SMURF1: variants seen among roughly 807,000 people sequenced by gnomAD.
SMURF1 encodes SMAD specific E3 ubiquitin protein ligase 1.
A neutral mutation model predicts 98.0 loss-of-function variants in SMURF1; 44 were observed. That is an observed-to-expected ratio of 0.45 (90% CI 0.35 to 0.58). The LOEUF (loss-of-function observed/expected upper bound fraction) is 0.58, where lower values mean the gene tolerates loss of function less well. SMURF1 is among the 20% of genes least tolerant of loss of function. The pLI, the probability that SMURF1 is intolerant of heterozygous loss-of-function variation, is 0.00. For synonymous variants in SMURF1, 396 were observed against 374.9 expected (o/e 1.06, Z -0.65); for missense variants, 687 against 938.4 (o/e 0.73, Z 3.50).
chr7:99,077,002 A>G (rs1361418206), intron 1 of SMURF1, among the ~76,000 whole-genome samples: 2 of 151,864 alleles, frequency 1.3e-5, no homozygotes, highest in Non-Finnish European at 2.9e-5. Flanking sequence ...ATAAAAAAAA[A>G]AACAAAAAAG....
At chr7:99,099,834 A>G (rs1261847182) in intron 1 of SMURF1, among the ~76,000 whole-genome samples, 2 of 152,178 alleles carry the variant, frequency 1.3e-5, no homozygotes, top group Non-Finnish European at 2.9e-5. Context: ...ACATGAGTTA[A>G]AACAGTCTAA....
chr7:99,038,522 C>G lies in SMURF1; in HGVS notation c.1554G>C (p.Glu518Asp). 1 of 1,613,848 alleles carries G rather than the reference C, an allele frequency of 6.2e-7. No homozygotes were observed. The highest frequency in any genetic ancestry group is 8.5e-7 in the Non-Finnish European group (1 of 1,179,870). ...ELHKSLVWIL[E>D]NDITPVLDHT... ...GGTCCAGTACAGGCGTGATGTCGTT[C>G]TCTCTGTTGAAATAAGACAGAAGGA... Residue 518 changes from glutamate to aspartate, a missense_variant, in exon 14 of 18, where the codon GAG becomes GAC. By Grantham distance (45) the Glu-to-Asp change is conservative (BLOSUM62 2). Coordinates refer to ENST00000361368, the MANE Select transcript of SMURF1 (RefSeq NM_181349.3).
chr7:99,030,595 C>T lies in SMURF1; in HGVS notation c.2185G>A (p.Ala729Thr). 6.2e-7 allele frequency: 1 copy of T among 1,614,138 alleles called. No homozygotes were observed. The highest frequency in any genetic ancestry group is 8.5e-7 in the Non-Finnish European group (1 of 1,180,006). Residue 729 changes from alanine to threonine, a missense_variant, in exon 18 of 18, where the codon GCT becomes ACT. Around this residue, in one of 2 missense-constraint regions of SMURF1, gnomAD observed 272 missense variants for 430.0 expected, o/e 0.63. Coordinates refer to ENST00000361368, the MANE Select transcript of SMURF1 (RefSeq NM_181349.3). Reference sequence around the variant, plus strand: ...CCTTTGGTTGCTTTTCACTCCACAGCAAACCCGCAGGTCTCCTCCACGGCT... The same window carrying T: ...CCTTTGGTTGCTTTTCACTCCACAGTAAACCCGCAGGTCTCCTCCACGGCT... ...LTAVEETCGFAVE is the reference protein window; with the variant it reads ...LTAVEETCGFTVE
chr7:99,037,617 A>G (rs949677412), intron 14 of SMURF1, among the ~76,000 whole-genome samples: 1 of 152,234 alleles, frequency 6.6e-6, no homozygotes, highest in Admixed American at 6.5e-5. Flanking sequence ...TCTCCAAGAC[A>G]GACAAACACA....
At chr7:99,055,355 C>G (rs561488554) in intron 5 of SMURF1, among the ~76,000 whole-genome samples, 20 of 151,852 alleles carry the variant, frequency 1.3e-4, no homozygotes, top group Non-Finnish European at 2.4e-4. Context: ...GTAGTCCCAG[C>G]TACTTGGGAG....
At chr7:99,060,552 C>T (rs756196195) in intron 3 of SMURF1, 47 bp downstream of exon 3, 1 of 1,392,854 alleles carries the variant, frequency 7.2e-7, no homozygotes, top group Admixed American at 1.8e-5. Flanking sequence ...AGGTAGACAC[C>T]TGCTTTCCTG....
intron 13 of SMURF1, 75 bp downstream of exon 13, chr7:99,040,287 ACACACACGCGCGCGCG>A (rs1302593425): frequency 1.2e-5 from 15 of 1,255,784 alleles, no homozygotes; most frequent in African/African-American, 4.0e-5. Flanking sequence ...CCCAAAATAC[ACACACACGCGCGCGCG>A]CGCGCACGCG....
rs563645724 is a variant in SMURF1, at chr7:99,110,663, C to T, written c.55+33063G>A. 8.5e-5 allele frequency among the ~76,000 whole-genome samples: 13 copies of T among 152,346 alleles called. No individual in the cohort carries two copies. In the South Asian group the frequency reaches 2.7e-3, roughly 32 times the overall value. On this transcript the variant is annotated intron_variant, in intron 1 of 17. Transcript: ENST00000361368. The stretch of plus-strand genomic sequence containing the variant: ...CAACACCTACGTAGGGAAGTCCAGC[C>T]ATATCTATCATATCTTTTTAAATGC...
At chr7:99,056,810 C>A (rs960784611) in intron 5 of SMURF1, among the ~76,000 whole-genome samples, 2 of 152,048 alleles carry the variant, frequency 1.3e-5, no homozygotes, top group Non-Finnish European at 2.9e-5. Context: ...CGAGACCAGC[C>A]TGGCCAACAT....
At chr7:99,033,417 TCTC>T (rs1378172928) in intron 16 of SMURF1, among the ~76,000 whole-genome samples, 7 of 152,186 alleles carry the variant, frequency 4.6e-5, no homozygotes, top group Non-Finnish European at 1.0e-4. Flanking sequence ...TTCAAGCAAT[TCTC>T]CTGCCTCCCG....
intron 1 of SMURF1, among the ~76,000 whole-genome samples, chr7:99,119,900 T>G (rs372747828): frequency 3.9e-5 from 6 of 152,186 alleles, no homozygotes; most frequent in African/African-American, 7.2e-5. Context: ...CCCTAAAAAT[T>G]TGATGTATTG....
intron 1 of SMURF1, among the ~76,000 whole-genome samples, chr7:99,062,104 T>C (rs1205707979): frequency 6.6e-6 from 1 of 152,120 alleles, no homozygotes; most frequent in Non-Finnish European, 1.5e-5. Context: ...ATACTTTTTT[T>C]TTTTTTAAGA....
chr7:99,073,227 A>C (rs1796370926), intron 1 of SMURF1, among the ~76,000 whole-genome samples: 1 of 151,192 alleles, frequency 6.6e-6, no homozygotes, highest in Non-Finnish European at 1.5e-5. Flanking sequence ...AATACAAAAA[A>C]AGTTAGCTGG....
At chr7:99,087,776 G>A (rs545937082) in intron 1 of SMURF1, among the ~76,000 whole-genome samples, 3 of 152,238 alleles carry the variant, frequency 2.0e-5, no homozygotes, top group African/African-American at 7.2e-5. Flanking sequence ...CACTGCTCAA[G>A]TCCAGGCAAC....
chr7:99,143,770 G>T lies in SMURF1; in HGVS notation c.11C>A (p.Pro4His). MSNPGTRRNGSSIK... is the reference protein window; with the variant it reads MSNHGTRRNGSSIK... ...GCTGGAGCCGTTCCTGCGTGTCCCG[G>T]GGTTCGACATCTCCCGCCAACGATC... The change falls in exon 1 of 18, where the codon CCC becomes CAC. Residue 4 changes from proline (P) to histidine (H), a missense_variant. Transcript: ENST00000361368. The T allele has an allele frequency of 6.4e-7, 1 of 1,561,400 alleles. No homozygotes were observed. The highest frequency in any genetic ancestry group is 2.6e-5 in the East Asian group (1 of 38,102).
intron 8 of SMURF1, 80 bp from the exon 9 acceptor site, chr7:99,049,789 A>T: frequency 7.1e-7 from 1 of 1,405,672 alleles, no homozygotes; most frequent in Non-Finnish European, 9.7e-7. Flanking sequence ...CAGAAGCCAC[A>T]GAGGTTCCTT....
At chr7:99,036,027 G>A (rs1795125472) in intron 15 of SMURF1, 3 of 407,294 alleles carry the variant, frequency 7.4e-6, no homozygotes, top group Non-Finnish European at 9.2e-6. Flanking sequence ...ACCAACCGGT[G>A]ACACTGAACA....
intron 1 of SMURF1, among the ~76,000 whole-genome samples, chr7:99,088,800 C>G (rs1163171108): frequency 6.6e-6 from 1 of 152,178 alleles, no homozygotes; most frequent in Non-Finnish European, 1.5e-5. Flanking sequence ...AAATCAGGCT[C>G]ATGCCTGTAA....
chr7:99,035,937 G>A (rs978060976), intron 15 of SMURF1: 17 of 575,346 alleles, frequency 3.0e-5, no homozygotes, highest in African/African-American at 7.5e-5. Flanking sequence ...CCCAAGGACC[G>A]CGGTGCACAG....
Sources: gnomAD v4.1 joint callset for allele counts (sites outside exome capture counted in the v4.1 genomes callset) on GRCh38, gnomAD v4.1.1 for gene constraint, gnomAD v4.1.1 regional missense constraint, MANE v1.5 for transcripts, NCBI Gene and HGNC (gene_info 2026-07-23, HGNC 2026-07-21) for gene names.